Variants in ZFP57 observed in about 807,000 individuals in gnomAD.
ZFP57 encodes ZFP57 zinc finger protein.
In ZFP57, 12 loss-of-function variants were observed where a neutral mutation model predicts 15.8. The ratio of observed to expected loss-of-function variants is 0.76; its 90% confidence interval spans 0.49 to 1.23. The LOEUF is 1.23. ZFP57 is among the 50% of genes most tolerant of loss of function. The probability of loss-of-function intolerance (pLI) is 0.00; values close to 1 mark genes in which losing one functional copy is unlikely to be tolerated. For missense variants in ZFP57, 536 were observed against 654.9 expected (o/e 0.82, Z 1.98); for synonymous variants, 203 against 242.3 (o/e 0.84, Z 1.51).
At chr6:29,678,715 A>G (rs1772191759) in intron 1 of ZFP57, among the ~76,000 whole-genome samples, 1 of 152,178 alleles carries the variant, frequency 6.6e-6, no homozygotes, top group African/African-American at 2.4e-5. Flanking sequence ...AAACTTTATC[A>G]TTATTATGTA....
chr6:29,677,609 T>C (rs1425210438), intron 1 of ZFP57, among the ~76,000 whole-genome samples: 1 of 152,238 alleles, frequency 6.6e-6, no homozygotes, highest in Non-Finnish European at 1.5e-5. Context: ...ATGTTAATGT[T>C]AGACTCAGTA....
chr6:29,677,197 C>G lies in ZFP57; in HGVS notation c.-194G>C. On this transcript the variant is annotated 5_prime_UTR_variant, in exon 2 of 5. Transcript: ENST00000376883. Reference sequence around the variant, plus strand: ...CAAGAGGCTGTCTTCCTTTTTTGTTCTGCTGTCCAAATTCTCCTCTTCCAC... The same window carrying G: ...CAAGAGGCTGTCTTCCTTTTTTGTTGTGCTGTCCAAATTCTCCTCTTCCAC... 1 of 719,094 alleles carries G rather than the reference C, an allele frequency of 1.4e-6. No homozygotes were observed. The highest frequency in any genetic ancestry group is 2.7e-5 in the East Asian group (1 of 37,038). The allele number at this position is 719,094 out of a possible 1,614,324, so 44.5% of individuals were successfully genotyped here.
chr6:29,677,768 T>TACACAC (rs9278235), intron 1 of ZFP57, among the ~76,000 whole-genome samples: 13,004 of 149,564 alleles, frequency 0.087, 630 homozygotes, highest in East Asian at 0.17. Flanking sequence ...ACCAAAATTA[T>TACACAC]ACACACACAC....
At position 29,672,668 on chromosome 6, in the gene ZFP57, C is replaced by T; in HGVS notation, c.1443G>A (p.Gln481=). 1 of 1,611,632 alleles carries T rather than the reference C, an allele frequency of 6.2e-7. No homozygotes were observed. The highest frequency in any genetic ancestry group is 8.5e-7 in the Non-Finnish European group (1 of 1,178,792). Reference sequence around the variant, plus strand: ...GGACATCATGAGAGAAGCCAAGCCACTGGCCCAGGATCACCCGGCATTTAT... The same window carrying T: ...GGACATCATGAGAGAAGCCAAGCCATTGGCCCAGGATCACCCGGCATTTAT... ...SHHKCRVILG[Q]WLGFSHDVPT... Residue 481 remains glutamine, a synonymous_variant, in exon 5 of 5, where the codon CAG becomes CAA. Coordinates refer to ENST00000376883, the MANE Select transcript of ZFP57 (RefSeq NM_001109809.5).
At position 29,672,633 on chromosome 6, in the gene ZFP57, G is replaced by A. The variant is rs1379362378; in HGVS notation, c.1478C>T (p.Ala493Val). 6.2e-7 allele frequency: 1 copy of A among 1,611,122 alleles called. No individual in the cohort carries two copies. The highest frequency in any genetic ancestry group is 1.1e-5 in the South Asian group (1 of 91,058). ...ACCTCCATGCTTCCATTCCTCCCCA[G>A]CCATAGTGGGGACATCATGAGAGAA... ...LGFSHDVPTM[A>V]GEEWKHGGDQ... Residue 493 changes from alanine to valine, a missense_variant, in exon 5 of 5, where the codon GCT (alanine) becomes GTT (valine). By Grantham distance (64) the Ala-to-Val change is moderately conservative. Coordinates refer to ENST00000376883, the MANE Select transcript of ZFP57 (RefSeq NM_001109809.5).
intron 4 of ZFP57, among the ~76,000 whole-genome samples, chr6:29,675,176 A>G (rs1772007976): frequency 1.7e-5 from 2 of 120,882 alleles, no homozygotes; most frequent in Admixed American, 1.7e-4. Flanking sequence ...AAAAAAAAAG[A>G]GAGAGAGAGA....
intron 4 of ZFP57, among the ~76,000 whole-genome samples, chr6:29,674,051 G>A (rs1404345198): frequency 6.6e-6 from 1 of 151,140 alleles, no homozygotes; most frequent in Non-Finnish European, 1.5e-5. Context: ...CCAAGATGGT[G>A]CCACTGCACT....
intron 1 of ZFP57, among the ~76,000 whole-genome samples, chr6:29,679,851 T>A (rs416568): frequency 0.27 from 41,035 of 151,500 alleles, 5,907 homozygotes; most frequent in East Asian, 0.49. Flanking sequence ...GCCATTGCAC[T>A]CCAGCCAGGG....
In ZFP57 at chr6:29,672,824, T is replaced by C. The variant is rs748470752; in HGVS notation, c.1287A>G (p.Arg429=). 6.2e-7 allele frequency: 1 copy of C among 1,612,948 alleles called. No individual in the cohort carries two copies. The highest frequency in any genetic ancestry group is 1.3e-5 in the African/African-American group (1 of 74,908). The change falls in exon 5 of 5, where the codon AGA becomes AGG. Residue 429 remains arginine (R), a synonymous_variant. Transcript: ENST00000376883. ...TCTGCTTCCAGTGGGTCTGCTGGTGTCTGACCAGCCTGGAAAATGAGCTGA... is the reference window on the plus strand; with the variant it reads ...TCTGCTTCCAGTGGGTCTGCTGGTGCCTGACCAGCCTGGAAAATGAGCTGA... ...KSFSSFSRLV[R]HQQTHWKQKS... is the part of the protein sequence containing the mutation.
At position 29,673,461 on chromosome 6, in the gene ZFP57, G is replaced by A. The variant is rs1771854291; in HGVS notation, c.650C>T (p.Ser217Phe). ...QCGKLFRSPKSLSYHRRMHLG... is the reference protein window; with the variant it reads ...QCGKLFRSPKFLSYHRRMHLG... ...ATGCATGCGTCTGTGATAGCTGAGG[G>A]ACTTGGGGCTCCGAAACAACTTCCC... Residue 217 changes from serine to phenylalanine, a missense_variant, in exon 5 of 5, where the codon TCC becomes TTC. Ser to Phe is a radical substitution (Grantham distance 155, BLOSUM62 -2). Transcript: ENST00000376883. This position sits in a 1 kb window ranked among gnomAD's most constrained non-coding sequence, Gnocchi z 4.7. The A allele has an allele frequency of 6.2e-7, 1 of 1,612,996 alleles. No individual in the cohort carries two copies. Among genetic ancestry groups the A allele is most frequent in the African/African-American group, 1.3e-5 (1 of 74,942 alleles).
chr6:29,673,329 C>T lies in ZFP57; in HGVS notation c.782G>A (p.Cys261Tyr). Residue 261 changes from cysteine (C) to tyrosine (Y), a missense_variant, in exon 5 of 5, where the codon TGC (cysteine) becomes TAC (tyrosine). Transcript: ENST00000376883. The surrounding 1 kb of genome is among the most constrained non-coding windows in gnomAD (Gnocchi z 4.7). ...CCGGAAGCTCTTCCCACACACAGAG[C>T]ATGAATGGGGCCGGTAACCCAGATG... ...RVHLGYRPHS[C>Y]SVCGKSFRDQ... The T allele has an allele frequency of 6.2e-7, 1 of 1,613,072 alleles. No individual in the cohort carries two copies. The highest frequency in any genetic ancestry group is 8.5e-7 in the Non-Finnish European group (1 of 1,180,044).
rs187859246 is a variant in ZFP57, at chr6:29,678,745, A to G, written c.-363-1379T>C. On this transcript the variant is annotated intron_variant, in intron 1 of 4. Coordinates refer to ENST00000376883, the MANE Select transcript of ZFP57 (RefSeq NM_001109809.5). ...TATGTATGTATAGAAAAAGAAAACC[A>G]TAGTGTATACAGGGTTTGGTACTAT... Among the ~76,000 whole-genome samples the G allele has an allele frequency of 2.9e-3, 446 of 152,352 alleles. 2 individuals are homozygous for G. Among genetic ancestry groups the G allele is most frequent in the Non-Finnish European group, 3.5e-3 (238 of 68,028 alleles).
chr6:29,673,579 A>G lies in ZFP57; in HGVS notation c.532T>C (p.Tyr178His), dbSNP rs146835830. The change falls in exon 5 of 5, where the codon TAC becomes CAC. Residue 178 changes from tyrosine (Y) to histidine (H), a missense_variant. Physicochemically the swap from Tyr to His is moderately conservative, Grantham distance 83 (BLOSUM62 2). Coordinates refer to ENST00000376883, the MANE Select transcript of ZFP57 (RefSeq NM_001109809.5). This position sits in a 1 kb window ranked among gnomAD's most constrained non-coding sequence, Gnocchi z 4.7. ...CTGCTGAAACATTTGCCACAGGTGT[A>G]GCAAAAAAAGGGTGGCCCAGCCTGG... Reference protein sequence around the residue: ...ASQAGPPFFCYTCGKCFSRRS... With the variant: ...ASQAGPPFFCHTCGKCFSRRS... 1.3e-3 allele frequency: 2,172 copies of G among 1,613,048 alleles called. 12 individuals are homozygous for G. The highest frequency in any genetic ancestry group is 0.012 in the Middle Eastern group (72 of 6,062).
At position 29,675,453 on chromosome 6, in the gene ZFP57, G is replaced by A. The variant is rs373253380; in HGVS notation, c.285C>T (p.Thr95=). The change falls in exon 4 of 5, where the codon ACC becomes ACT. Residue 95 remains threonine (T), a synonymous_variant. Coordinates refer to ENST00000376883, the MANE Select transcript of ZFP57 (RefSeq NM_001109809.5). ...ACTGTTCCTCTTCTTGCTCAAGCTT[G>A]GTGATTAGCTCTGGCTTATGCAGAA... ...RIFLHKPELI[T]KLEQEEEQWR... 3.4e-4 allele frequency: 551 copies of A among 1,613,986 alleles called. No individual in the cohort carries two copies. Among genetic ancestry groups the A allele is most frequent in the Non-Finnish European group, 4.3e-4 (511 of 1,180,022 alleles).
intron 3 of ZFP57, 71 bp from the exon 4 acceptor site, chr6:29,675,558 A>G (rs1334297087): frequency 8.3e-7 from 1 of 1,209,584 alleles, no homozygotes; most frequent in Admixed American, 1.7e-5. Context: ...TGGGGACAAC[A>G]GGCTACCTCC....
chr6:29,676,101 T>C (rs112069952), intron 2 of ZFP57, 42 bp from the exon 3 acceptor site: 1 of 1,577,086 alleles, frequency 6.3e-7, no homozygotes, highest in African/African-American at 1.4e-5. Flanking sequence ...TATAAATATA[T>C]ATGTGTGTGT....
chr6:29,676,770 T>G, intron 2 of ZFP57, 111 bp downstream of exon 2: 1 of 1,421,194 alleles, frequency 7.0e-7, no homozygotes, highest in Non-Finnish European at 9.6e-7. Context: ...TGGATGTCGT[T>G]CAGTCTGGAA....
chr6:29,677,082 G>A lies in ZFP57; in HGVS notation c.-79C>T, dbSNP rs1336424772. ...AGGCCTGACTGGATTCCTTCCTGGG[G>A]CTATCTACCTCCCAGTAACTGGGCA... On this transcript the variant is annotated 5_prime_UTR_variant, in exon 2 of 5. Transcript: ENST00000376883. 1.2e-6 allele frequency: 2 copies of A among 1,604,646 alleles called. No homozygotes were observed. The highest frequency in any genetic ancestry group is 1.7e-6 in the Non-Finnish European group (2 of 1,174,110).
rs994080864 is a variant in ZFP57, at chr6:29,673,168, T to C, written c.943A>G (p.Ile315Val). 4 of 1,612,882 alleles carry C rather than the reference T, an allele frequency of 2.5e-6. No homozygotes were observed. The African/African-American group carries it at 5.3e-5, about 22-fold the overall frequency. ...QTPIARSQRS[I>V]QGLLDVNHAP... ...TGGTTCACATCCAAAAGCCCCTGGA[T>C]GGACCTCTGGCTTCTGGCGATGGGT... The change falls in exon 5 of 5, where the codon ATC (isoleucine) becomes GTC (valine). Residue 315 changes from isoleucine to valine, a missense_variant. Physicochemically the swap from Ile to Val is conservative, Grantham distance 29. Transcript: ENST00000376883. The surrounding 1 kb of genome is among the most constrained non-coding windows in gnomAD (Gnocchi z 4.7).
Sources: allele counts gnomAD v4.1 joint callset (sites outside exome capture counted in the v4.1 genomes callset), GRCh38; gene constraint gnomAD v4.1.1; non-coding constraint Gnocchi (gnomAD v3.1); transcripts MANE v1.5; gene names NCBI Gene and HGNC (gene_info 2026-07-23, HGNC 2026-07-21).